The following CACNA1E variants were observed in gnomAD, a reference collection of about 807,000 sequenced individuals.
The protein encoded by CACNA1E is calcium voltage-gated channel subunit alpha1 E.
Under a neutral mutation model 259.2 loss-of-function variants are expected in CACNA1E, and 40 were observed. The observed-to-expected ratio is 0.15, with a 90% CI of 0.12 to 0.20. The LOEUF (loss-of-function observed/expected upper bound fraction) is 0.20, where lower values mean the gene tolerates loss of function less well. CACNA1E is among the 10% of genes least tolerant of loss of function. CACNA1E has a pLI of 1.00. For missense variants in CACNA1E, 1,874 were observed against 3,040.1 expected, an observed-to-expected ratio of 0.62 and a Z score of 9.02; for synonymous variants, 1,104 against 1,138.5, an observed-to-expected ratio of 0.97 and a Z score of 0.61.
intron 38 of CACNA1E, among the ~76,000 whole-genome samples, chr1:181,779,046 G>T (rs1660198928): frequency 6.6e-6 from 1 of 152,238 alleles, no homozygotes; most frequent in Admixed American, 6.5e-5. Context: ...CAGTTCTGCA[G>T]TCCACTTCAA....
intron 6 of CACNA1E, among the ~76,000 whole-genome samples, chr1:181,637,429 TC>T (rs1657333708): frequency 1.3e-4 from 6 of 45,500 alleles, no homozygotes; most frequent in African/African-American, 4.0e-4. Flanking sequence ...CCTCCTTCCC[TC>T]CTTCCCTCCC....
chr1:181,782,402 C>T (rs1013665867), intron 39 of CACNA1E, among the ~76,000 whole-genome samples: 2 of 152,166 alleles, frequency 1.3e-5, no homozygotes, highest in East Asian at 1.9e-4. Flanking sequence ...TGTTAGTTCC[C>T]CTTTGCTATT....
chr1:181,751,442 G>A (rs1453992116), intron 26 of CACNA1E, among the ~76,000 whole-genome samples: 2 of 152,310 alleles, frequency 1.3e-5, no homozygotes, highest in East Asian at 3.9e-4. Context: ...GCAATGGAAG[G>A]GACTGCGGGA....
chr1:181,719,268 T>C (rs1275495608), intron 12 of CACNA1E, among the ~76,000 whole-genome samples: 4 of 152,246 alleles, frequency 2.6e-5, no homozygotes, highest in Non-Finnish European at 5.9e-5. Flanking sequence ...AATCAGATCC[T>C]ACATCACCAT....
At chr1:181,482,903 C>G (rs1372887905), upstream of CACNA1E, among the ~76,000 whole-genome samples, 1 of 152,280 alleles carries the variant, frequency 6.6e-6, no homozygotes, top group Non-Finnish European at 1.5e-5. Context: ...CGGTGGCGAG[C>G]GCTCCGGGCG....
chr1:181,596,768 A>G (rs555683749), intron 6 of CACNA1E, among the ~76,000 whole-genome samples: 1 of 152,290 alleles, frequency 6.6e-6, no homozygotes, highest in South Asian at 2.1e-4. Context: ...ACACGAAGCA[A>G]GATAAAGTAG....
intron 3 of CACNA1E, among the ~76,000 whole-genome samples, chr1:181,538,033 A>T (rs1304388731): frequency 6.6e-6 from 1 of 152,222 alleles, no homozygotes; most frequent in Non-Finnish European, 1.5e-5. Flanking sequence ...AGTTTGCAGA[A>T]GATCTTGTAG....
At chr1:181,632,074 C>T (rs1297235368) in intron 6 of CACNA1E, among the ~76,000 whole-genome samples, 1 of 149,958 alleles carries the variant, frequency 6.7e-6, no homozygotes, top group Admixed American at 6.6e-5. Context: ...AGACTTCAGA[C>T]TGAACCAGAT....
intron 35 of CACNA1E, among the ~76,000 whole-genome samples, chr1:181,770,865 T>C (rs532547219): frequency 7.2e-4 from 110 of 152,310 alleles, no homozygotes; most frequent in African/African-American, 2.6e-3. Context: ...CTTGCAAATC[T>C]GAATGCTCCC....
chr1:181,778,005 C>T (rs1036756910), intron 38 of CACNA1E, among the ~76,000 whole-genome samples: 1 of 152,218 alleles, frequency 6.6e-6, no homozygotes, highest in Non-Finnish European at 1.5e-5. Context: ...CATGCTCCTC[C>T]CTACTTATTC....
intron 6 of CACNA1E, among the ~76,000 whole-genome samples, chr1:181,633,526 C>G (rs1333876433): frequency 6.6e-6 from 1 of 152,044 alleles, no homozygotes; most frequent in Non-Finnish European, 1.5e-5. Flanking sequence ...GAATCTTGCT[C>G]TGTCACCCAG....
chr1:181,548,198 C>T (rs1172348924), intron 3 of CACNA1E, among the ~76,000 whole-genome samples: 1 of 149,634 alleles, frequency 6.7e-6, no homozygotes, highest in Non-Finnish European at 1.5e-5. Context: ...GATCTCAGCT[C>T]ACCGCAACCT....
chr1:181,564,382 T>A (rs1649614901), intron 3 of CACNA1E, among the ~76,000 whole-genome samples: 1 of 152,230 alleles, frequency 6.6e-6, no homozygotes, highest in African/African-American at 2.4e-5. Context: ...GAAACTACTT[T>A]CTTTGCTTAT....
chr1:181,569,344 A>G (rs974494172), intron 3 of CACNA1E, among the ~76,000 whole-genome samples: 7 of 152,182 alleles, frequency 4.6e-5, no homozygotes, highest in African/African-American at 1.7e-4. Context: ...GTGGGGAGGA[A>G]GAGGCAGCTT....
At chr1:181,789,959 A>G (rs762735401) in intron 43 of CACNA1E, among the ~76,000 whole-genome samples, 1 of 152,236 alleles carries the variant, frequency 6.6e-6, no homozygotes, top group African/African-American at 2.4e-5. Context: ...TAGTCCTTCA[A>G]TAAATGGCAA....
At chr1:181,587,596 T>C (rs1322352301) in intron 6 of CACNA1E, among the ~76,000 whole-genome samples, 1 of 152,028 alleles carries the variant, frequency 6.6e-6, no homozygotes, top group Non-Finnish European at 1.5e-5. Flanking sequence ...AAAATGTGAC[T>C]CTTAGGGCCG....
Position 181,330,234 on chromosome 1 carries a change from A to G in CACNA1E, c.-15+12111A>G, listed in dbSNP as rs1353068176. 3.9e-5 allele frequency among the ~76,000 whole-genome samples: 6 copies of G among 152,152 alleles called. No individual in the cohort carries two copies. In the East Asian group the frequency reaches 1.2e-3, roughly 29 times the overall value. ...CCCTTCCTGAGCTCACCCCTGACCT[A>G]TGAAGGCATCCCGGCACCCTGATTT... On this transcript the variant is annotated intron_variant, in intron 1 of 11. Coordinates refer to the CACNA1E transcript ENST00000524607.
rs537529044 is a variant in CACNA1E at position 181,526,060 on chromosome 1, A to G, written c.512+14550A>G. On this transcript the variant is annotated intron_variant, in intron 3 of 47. Coordinates refer to ENST00000367573, the MANE Select transcript of CACNA1E (RefSeq NM_001205293.3). Reference sequence around the variant, plus strand: ...AATTGGCCTTTGTTGCAGGGATGCTAGGTCAGGAGGCAGGGAGGGGAAGAA... The same window carrying G: ...AATTGGCCTTTGTTGCAGGGATGCTGGGTCAGGAGGCAGGGAGGGGAAGAA... Among the ~76,000 whole-genome samples the G allele has an allele frequency of 5.3e-5, 8 of 152,242 alleles. No individual in the cohort carries two copies. The South Asian group carries it at 1.2e-3, about 24-fold the overall frequency.
chr1:181,318,566 C>G (rs561470174), intron 1 of CACNA1E, among the ~76,000 whole-genome samples: 39 of 152,302 alleles, frequency 2.6e-4, no homozygotes, highest in African/African-American at 8.9e-4. Flanking sequence ...TTTCGCAAGC[C>G]TTGGGGCCTC....
Sources: gnomAD v4.1 joint callset for allele counts (sites outside exome capture counted in the v4.1 genomes callset) on GRCh38, gnomAD v4.1.1 for gene constraint, MANE v1.5 for transcripts, NCBI Gene and HGNC (gene_info 2026-07-23, HGNC 2026-07-21) for gene names.